ROBO2: variants seen among roughly 807,000 people sequenced by gnomAD.
The protein encoded by ROBO2 is roundabout guidance receptor 2.
ROBO2 carries 53 observed loss-of-function variants against 160.8 expected under a neutral mutation model. That is an observed-to-expected ratio of 0.33 (90% CI 0.26 to 0.41). The LOEUF is 0.41. Ranked by LOEUF, ROBO2 falls within the 10% of genes least tolerant of loss-of-function variation. The probability of loss-of-function intolerance (pLI) is 1.00; values close to 1 mark genes in which losing one functional copy is unlikely to be tolerated. For missense variants in ROBO2, 1,577 were observed against 1,722.4 expected, an observed-to-expected ratio of 0.92 and a Z score of 1.49; for synonymous variants, 664 against 611.7, an observed-to-expected ratio of 1.09 and a Z score of -1.26.
intron 2 of ROBO2, among the ~76,000 whole-genome samples, chr3:77,223,870 G>GAATA (rs10623307): frequency 0.35 from 52,487 of 151,284 alleles, 10,158 homozygotes; most frequent in Middle Eastern, 0.53. Context: ...GGTTAGCTTG[G>GAATA]AATATTGTTT....
At chr3:77,047,454 G>A (rs991661517) in intron 1 of ROBO2, among the ~76,000 whole-genome samples, 1 of 151,766 alleles carries the variant, frequency 6.6e-6, no homozygotes, top group African/African-American at 2.4e-5. Context: ...GGAGGGTGAG[G>A]TGTGTGGATC....
Position 77,595,122 on chromosome 3 carries a change from C to CT in ROBO2, c.2684-13dup, listed in dbSNP as rs778052474. On this transcript the variant is annotated intron_variant, in intron 17 of 25. Coordinates refer to ENST00000461745, the Ensembl canonical transcript of ROBO2. ...TGACTACTTGTGTGTGCATGTCTTC[C>CT]TTTTTTTCTTTTTTCATAGTTACGT... 2 of 1,602,788 alleles carry CT rather than the reference C, an allele frequency of 1.2e-6. No homozygotes were observed. Among genetic ancestry groups the CT allele is most frequent in the Non-Finnish European group, 1.7e-6 (2 of 1,170,256 alleles).
At chr3:76,792,566 C>G (rs1230344811) in intron 2 of ROBO2, among the ~76,000 whole-genome samples, 1 of 151,514 alleles carries the variant, frequency 6.6e-6, no homozygotes, top group Non-Finnish European at 1.5e-5. Context: ...AATTCTACTT[C>G]TTAAGAATAG....
intron 2 of ROBO2, among the ~76,000 whole-genome samples, chr3:76,980,845 T>A (rs923104823): frequency 6.6e-6 from 1 of 152,144 alleles, no homozygotes; most frequent in African/African-American, 2.4e-5. Context: ...TAATCCTCTC[T>A]CCCTCCCCAG....
intron 2 of ROBO2, among the ~76,000 whole-genome samples, chr3:76,188,322 A>G (rs927409106): frequency 6.6e-6 from 1 of 152,060 alleles, no homozygotes; most frequent in African/African-American, 2.4e-5. Context: ...AGAAATTTGA[A>G]CACAGAGACA....
chr3:77,354,087 C>T (rs1360873537), intron 2 of ROBO2, among the ~76,000 whole-genome samples: 1 of 152,132 alleles, frequency 6.6e-6, no homozygotes, highest in Admixed American at 6.6e-5. Flanking sequence ...ACTTTATTTA[C>T]TGTAAGATGT....
chr3:76,898,388 T>A (rs1327880742), intron 2 of ROBO2, among the ~76,000 whole-genome samples: 2 of 152,086 alleles, frequency 1.3e-5, no homozygotes, highest in African/African-American at 4.8e-5. Flanking sequence ...ATTTACCTTT[T>A]TAAAAGACTT....
At chr3:77,613,381 G>T (rs546705922) in intron 21 of ROBO2, among the ~76,000 whole-genome samples, 2 of 152,110 alleles carry the variant, frequency 1.3e-5, no homozygotes, top group East Asian at 3.9e-4. Context: ...TCCAAGGTAT[G>T]ATATCCTTGG....
intron 2 of ROBO2, among the ~76,000 whole-genome samples, chr3:76,103,560 TATC>T (rs1424482778): frequency 6.6e-6 from 1 of 152,170 alleles, no homozygotes; most frequent in East Asian, 1.9e-4. Context: ...AGAGGACCGT[TATC>T]ATTATGTTTT....
intron 2 of ROBO2, among the ~76,000 whole-genome samples, chr3:77,202,767 T>C (rs2083034092): frequency 6.6e-6 from 1 of 152,136 alleles, no homozygotes; most frequent in Non-Finnish European, 1.5e-5. Flanking sequence ...ATTCATCAAA[T>C]ATTTATTATA....
chr3:76,831,664 T>G (rs2109325117), intron 2 of ROBO2, among the ~76,000 whole-genome samples: 1 of 152,360 alleles, frequency 6.6e-6, no homozygotes. Context: ...TTCTATCTTT[T>G]AATGTCTTCT....
intron 2 of ROBO2, among the ~76,000 whole-genome samples, chr3:77,346,266 G>T (rs1167306527): frequency 6.6e-6 from 1 of 152,028 alleles, no homozygotes; most frequent in African/African-American, 2.4e-5. Context: ...ACAAATGTAA[G>T]TCATGCTTTT....
chr3:76,364,355 C>G (rs769213663), intron 2 of ROBO2, among the ~76,000 whole-genome samples: 1 of 151,984 alleles, frequency 6.6e-6, no homozygotes, highest in African/African-American at 2.4e-5. Flanking sequence ...ATTCTTTATT[C>G]TTTTTTGTTG....
chr3:75,955,214 G>A (rs1948680298), intron 2 of ROBO2, among the ~76,000 whole-genome samples: 1 of 151,752 alleles, frequency 6.6e-6, no homozygotes, highest in East Asian at 1.9e-4. Flanking sequence ...TTAGATGTAG[G>A]TTTAATATCA....
intron 2 of ROBO2, among the ~76,000 whole-genome samples, chr3:76,312,460 C>T (rs890158227): frequency 6.6e-6 from 1 of 152,170 alleles, no homozygotes; most frequent in Non-Finnish European, 1.5e-5. Context: ...AAATATATTA[C>T]AAATCTTCTG....
At chr3:76,368,326 G>A (rs1206113617) in intron 2 of ROBO2, among the ~76,000 whole-genome samples, 1 of 151,916 alleles carries the variant, frequency 6.6e-6, no homozygotes, top group African/African-American at 2.4e-5. Flanking sequence ...CCAAAACTTA[G>A]CAGCTTAAAA....
chr3:76,302,364 A>G (rs1387787834), intron 2 of ROBO2, among the ~76,000 whole-genome samples: 2 of 152,108 alleles, frequency 1.3e-5, no homozygotes, highest in African/African-American at 4.8e-5. Context: ...ACTGTGCAAC[A>G]GTTGCATCTG....
intron 2 of ROBO2, among the ~76,000 whole-genome samples, chr3:76,178,299 G>T (rs1012645434): frequency 1.3e-5 from 2 of 151,982 alleles, no homozygotes; most frequent in Non-Finnish European, 2.9e-5. Context: ...TTAGATGAGC[G>T]TCATACAGCA....
chr3:76,888,271 G>T (rs2148798947), intron 2 of ROBO2, among the ~76,000 whole-genome samples: 1 of 152,258 alleles, frequency 6.6e-6, no homozygotes, highest in East Asian at 1.9e-4. Flanking sequence ...AGGAGGCTGA[G>T]GCAGGAGGAT....
Sources: allele counts gnomAD v4.1 joint callset (sites outside exome capture counted in the v4.1 genomes callset), GRCh38; gene constraint gnomAD v4.1.1; transcripts MANE v1.5; gene names NCBI Gene and HGNC (gene_info 2026-07-23, HGNC 2026-07-21).